Variants in SUCLG2 observed in about 807,000 individuals in gnomAD.
SUCLG2 encodes the protein succinate--CoA ligase [GDP-forming] subunit beta, mitochondrial.
Under a neutral mutation model 47.9 loss-of-function variants are expected in SUCLG2, and 42 were observed. That is an observed-to-expected ratio of 0.88 (90% CI 0.69 to 1.14). The LOEUF (loss-of-function observed/expected upper bound fraction) is 1.14, where lower values mean the gene tolerates loss of function less well. Among genes scored for constraint, SUCLG2 ranks in the 50% most tolerant of loss-of-function variants. SUCLG2 has a pLI of 0.00. For synonymous variants in SUCLG2, 195 were observed against 197.3 expected (o/e 0.99, Z 0.10); for missense variants, 571 against 525.9 (o/e 1.09, Z -0.84).
chr3:67,590,303 T>G (rs887684688), intron 2 of SUCLG2, among the ~76,000 whole-genome samples: 31 of 152,220 alleles, frequency 2.0e-4, no homozygotes, highest in Admixed American at 2.0e-3. Context: ...ATAATTTCCA[T>G]CACCAATTCC....
At chr3:67,379,593 C>T (rs180718008) in intron 10 of SUCLG2, among the ~76,000 whole-genome samples, 1 of 152,122 alleles carries the variant, frequency 6.6e-6, no homozygotes, top group Admixed American at 6.5e-5. Context: ...TAATTAATAT[C>T]CTCTTTTGCA....
At chr3:67,405,137 G>A (rs1012866011) in intron 9 of SUCLG2, among the ~76,000 whole-genome samples, 2 of 152,162 alleles carry the variant, frequency 1.3e-5, no homozygotes, top group African/African-American at 4.8e-5. Flanking sequence ...ATCATCTAAT[G>A]AGGCAGTTGA....
chr3:67,557,045 CATG>C (rs1408134874), intron 2 of SUCLG2, among the ~76,000 whole-genome samples: 1 of 152,200 alleles, frequency 6.6e-6, no homozygotes, highest in Non-Finnish European at 1.5e-5. Flanking sequence ...CTGTCGCTAG[CATG>C]ATGACTAGTG....
At chr3:67,392,852 T>A (rs1199613107) in intron 10 of SUCLG2, among the ~76,000 whole-genome samples, 3 of 152,040 alleles carry the variant, frequency 2.0e-5, no homozygotes, top group South Asian at 2.1e-4. Flanking sequence ...TCTTGCTAAG[T>A]TGCCCAGACT....
At chr3:67,547,420 C>T (rs140541246) in intron 2 of SUCLG2, among the ~76,000 whole-genome samples, 26 of 152,338 alleles carry the variant, frequency 1.7e-4, no homozygotes, top group African/African-American at 5.8e-4. Flanking sequence ...TTTTCAGCAA[C>T]ATGGACATCC....
chr3:67,506,030 G>A (rs758485306), intron 7 of SUCLG2, among the ~76,000 whole-genome samples: 4 of 152,102 alleles, frequency 2.6e-5, no homozygotes, highest in Non-Finnish European at 5.9e-5. Context: ...ACAATGTGAT[G>A]CTGAGCTCCT....
At chr3:67,525,550 G>A (rs953065503) in intron 4 of SUCLG2, among the ~76,000 whole-genome samples, 32 of 152,266 alleles carry the variant, frequency 2.1e-4, no homozygotes, top group African/African-American at 7.7e-4. Flanking sequence ...AAAAAATGGT[G>A]CAGGAGTAAT....
intron 9 of SUCLG2, among the ~76,000 whole-genome samples, chr3:67,461,806 A>G (rs1704344359): frequency 6.6e-6 from 1 of 152,090 alleles, no homozygotes; most frequent in Non-Finnish European, 1.5e-5. Flanking sequence ...GATCTGGTCC[A>G]TCCCGCCCCA....
rs1434550958 is a variant in SUCLG2 at position 67,406,836 on chromosome 3, A to G, written c.1063-5985T>C. The stretch of plus-strand genomic sequence containing the variant: ...TATTGAGCATCTACAATGAATTTAC[A>G]ATAAGCTTATAAATGTATTTTTAAC... On this transcript the variant is annotated intron_variant, in intron 9 of 10. Coordinates refer to ENST00000307227, the MANE Select transcript of SUCLG2 (RefSeq NM_003848.4). 2.0e-5 allele frequency among the ~76,000 whole-genome samples: 3 copies of G among 152,214 alleles called. No individual in the cohort carries two copies. In the East Asian group the frequency reaches 5.8e-4, roughly 29 times the overall value.
At chr3:67,639,440 C>T (rs1031895671) in intron 1 of SUCLG2, among the ~76,000 whole-genome samples, 1 of 144,952 alleles carries the variant, frequency 6.9e-6, no homozygotes, top group Non-Finnish European at 1.5e-5. Context: ...CATGGAAGAG[C>T]CTTGCAGCAG....
rs754285632 is a variant in SUCLG2, at chr3:67,495,930, A to G, written c.930T>C (p.Ala310=). The change falls in exon 9 of 11, where the codon GCT becomes GCC. Residue 310 remains alanine, a synonymous_variant. Coordinates refer to ENST00000307227, the MANE Select transcript of SUCLG2 (RefSeq NM_003848.4). ...DGNIACFVNG[A]GLAMATCDII... ...TATCACAAGTAGCCATGGCGAGCCC[A>G]GCACCATTCACTGTGAAATGCAAAT... 6.2e-7 allele frequency: 1 copy of G among 1,614,024 alleles called. No homozygotes were observed. The highest frequency in any genetic ancestry group is 8.5e-7 in the Non-Finnish European group (1 of 1,179,936).
intron 2 of SUCLG2, among the ~76,000 whole-genome samples, chr3:67,568,173 G>C (rs1169086376): frequency 6.6e-6 from 1 of 152,128 alleles, no homozygotes; most frequent in Admixed American, 6.6e-5. Flanking sequence ...TAAATGTACT[G>C]AAGAAAAGGG....
chr3:67,363,326 GT>G (rs1231060413), intron 10 of SUCLG2, among the ~76,000 whole-genome samples: 1 of 152,150 alleles, frequency 6.6e-6, no homozygotes, highest in Non-Finnish European at 1.5e-5. Flanking sequence ...TCCTGGAAAT[GT>G]TTATTCTCAA....
At chr3:67,507,447 A>G (rs1176287186) in intron 7 of SUCLG2, among the ~76,000 whole-genome samples, 1 of 152,024 alleles carries the variant, frequency 6.6e-6, no homozygotes, top group Non-Finnish European at 1.5e-5. Flanking sequence ...CACTGCATGC[A>G]TACTCATATA....
intron 2 of SUCLG2, among the ~76,000 whole-genome samples, chr3:67,579,341 T>A (rs1391637989): frequency 1.3e-5 from 2 of 152,200 alleles, no homozygotes; most frequent in Non-Finnish European, 2.9e-5. Context: ...CTACACATAA[T>A]TTAATTAATG....
At chr3:67,529,567 A>C (rs1465012890) in intron 2 of SUCLG2, among the ~76,000 whole-genome samples, 3 of 152,192 alleles carry the variant, frequency 2.0e-5, no homozygotes, top group Non-Finnish European at 4.4e-5. Flanking sequence ...CAGTAAGAGG[A>C]GCTAACCATC....
chr3:67,517,850 T>C (rs1239720099), intron 6 of SUCLG2, among the ~76,000 whole-genome samples: 1 of 152,208 alleles, frequency 6.6e-6, no homozygotes, highest in Non-Finnish European at 1.5e-5. Context: ...ATTATTCTAC[T>C]GAATCCCCAC....
rs147496358 is a variant in SUCLG2 at position 67,402,572 on chromosome 3, A to T, written c.1063-1721T>A. Among the ~76,000 whole-genome samples, 3 of 152,362 alleles carry T rather than the reference A, an allele frequency of 2.0e-5. No individual in the cohort carries two copies. In the East Asian group the frequency reaches 5.8e-4, roughly 29 times the overall value. On this transcript the variant is annotated intron_variant, in intron 9 of 10. Coordinates refer to ENST00000307227, the MANE Select transcript of SUCLG2 (RefSeq NM_003848.4). ...TGTTAGCATTGAGGCTTGGTACAGC[A>T]GTAGTTTCCAAATAACTGTAGGATG... is the stretch of plus-strand genomic sequence containing the variant.
At chr3:67,427,528 C>T (rs192901696) in intron 9 of SUCLG2, among the ~76,000 whole-genome samples, 55 of 152,168 alleles carry the variant, frequency 3.6e-4, no homozygotes, top group South Asian at 2.9e-3. Context: ...CCAAGATGGC[C>T]GAATAGGAAC....
Sources: gnomAD v4.1 joint callset for allele counts (sites outside exome capture counted in the v4.1 genomes callset) on GRCh38, gnomAD v4.1.1 for gene constraint, MANE v1.5 for transcripts, NCBI Gene and HGNC (gene_info 2026-07-23, HGNC 2026-07-21) for gene names.